Variants in CNTNAP2 observed in about 807,000 individuals in gnomAD.
CNTNAP2 encodes the protein contactin associated protein 2.
CNTNAP2 carries 98 observed loss-of-function variants against 155.2 expected under a neutral mutation model. The ratio of observed to expected loss-of-function variants is 0.63; its 90% CI spans 0.54 to 0.75. CNTNAP2 has a LOEUF of 0.75. Among genes scored for constraint, CNTNAP2 ranks in the 30% least tolerant of loss-of-function variants. The probability of loss-of-function intolerance (pLI) is 0.00; values close to 1 mark genes in which losing one functional copy is unlikely to be tolerated. For missense variants in CNTNAP2, 1,727 were observed against 1,688.1 expected (o/e 1.02, Z -0.40); for synonymous variants, 651 against 631.2 (o/e 1.03, Z -0.47).
At chr7:146,609,867 C>T (rs1799105880) in intron 1 of CNTNAP2, among the ~76,000 whole-genome samples, 1 of 152,112 alleles carries the variant, frequency 6.6e-6, no homozygotes, top group Admixed American at 6.5e-5. Flanking sequence ...TAACTCCAGA[C>T]CAGTGGTTCA....
intron 14 of CNTNAP2, among the ~76,000 whole-genome samples, chr7:147,919,561 C>T (rs919554979): frequency 6.7e-6 from 1 of 150,272 alleles, no homozygotes; most frequent in Non-Finnish European, 1.5e-5. Flanking sequence ...TGGGTTCATG[C>T]CATTCTCTTG....
intron 3 of CNTNAP2, among the ~76,000 whole-genome samples, chr7:146,857,201 G>A (rs960987618): frequency 4.0e-4 from 54 of 135,256 alleles, no homozygotes; most frequent in South Asian, 2.4e-3. Flanking sequence ...GTGGAAAAAG[G>A]AGAGAGAAGG....
At chr7:146,866,894 T>G (rs1032467852) in intron 3 of CNTNAP2, among the ~76,000 whole-genome samples, 1 of 152,118 alleles carries the variant, frequency 6.6e-6, no homozygotes, top group Non-Finnish European at 1.5e-5. Flanking sequence ...AAACATAACT[T>G]CGATAGGGTC....
At chr7:147,493,202 A>G (rs556878228) in intron 11 of CNTNAP2, among the ~76,000 whole-genome samples, 19 of 152,318 alleles carry the variant, frequency 1.2e-4, no homozygotes, top group South Asian at 1.2e-3. Context: ...CAGTATTTCA[A>G]TAAATGCTCT....
intron 13 of CNTNAP2, among the ~76,000 whole-genome samples, chr7:147,786,970 A>T (rs1238971325): frequency 6.6e-6 from 1 of 151,850 alleles, no homozygotes; most frequent in East Asian, 1.9e-4. Context: ...TCCTGTCTCG[A>T]AGAAGGAAAG....
chr7:146,526,286 T>G (rs971922847), intron 1 of CNTNAP2, among the ~76,000 whole-genome samples: 1 of 152,190 alleles, frequency 6.6e-6, no homozygotes, highest in South Asian at 2.1e-4. Context: ...CTTGCATTGC[T>G]ATAGGAAATT....
At chr7:148,295,795 TTAA>T (rs1271779044) in intron 21 of CNTNAP2, among the ~76,000 whole-genome samples, 1 of 151,902 alleles carries the variant, frequency 6.6e-6, no homozygotes, top group African/African-American at 2.4e-5. Flanking sequence ...CCGGCCTCAA[TTAA>T]TTTTTAAAGC....
chr7:148,052,032 G>A (rs544437508), intron 15 of CNTNAP2, among the ~76,000 whole-genome samples: 1 of 151,936 alleles, frequency 6.6e-6, no homozygotes, highest in African/African-American at 2.4e-5. Flanking sequence ...CCAGCTGCTC[G>A]GGAGGCTGAG....
chr7:148,243,928 C>T (rs1357171536), intron 20 of CNTNAP2, among the ~76,000 whole-genome samples: 1 of 152,204 alleles, frequency 6.6e-6, no homozygotes, highest in Non-Finnish European at 1.5e-5. Flanking sequence ...ACTGCGCCAG[C>T]ACAGTATTTT....
At chr7:148,041,038 C>T (rs1313838059) in intron 15 of CNTNAP2, among the ~76,000 whole-genome samples, 5 of 152,166 alleles carry the variant, frequency 3.3e-5, no homozygotes, top group Non-Finnish European at 7.3e-5. Context: ...AGACATAATT[C>T]CTAAATAAAC....
chr7:146,253,818 A>T (rs1799794605), intron 1 of CNTNAP2, among the ~76,000 whole-genome samples: 1 of 152,146 alleles, frequency 6.6e-6, no homozygotes, highest in African/African-American at 2.4e-5. Flanking sequence ...GCACATTGGG[A>T]GGCCAAGGTA....
intron 1 of CNTNAP2, among the ~76,000 whole-genome samples, chr7:146,492,299 A>G (rs1797153265): frequency 6.6e-6 from 1 of 152,114 alleles, no homozygotes; most frequent in Non-Finnish European, 1.5e-5. Flanking sequence ...TACGATTTCC[A>G]CAATGTAAAA....
intron 2 of CNTNAP2, among the ~76,000 whole-genome samples, chr7:146,828,917 C>T (rs569842756): frequency 1.6e-4 from 25 of 152,136 alleles, no homozygotes; most frequent in Non-Finnish European, 2.5e-4. Context: ...ACTGTGGCTT[C>T]TGTGTGGAGC....
chr7:147,864,960 T>C (rs914587685), intron 13 of CNTNAP2, among the ~76,000 whole-genome samples: 1 of 152,202 alleles, frequency 6.6e-6, no homozygotes, highest in Non-Finnish European at 1.5e-5. Context: ...TTCCCAACAC[T>C]ATGTTGAATA....
intron 1 of CNTNAP2, among the ~76,000 whole-genome samples, chr7:146,371,245 T>G (rs1019427460): frequency 1.3e-5 from 2 of 152,088 alleles, no homozygotes; most frequent in Non-Finnish European, 2.9e-5. Flanking sequence ...TAATGAGGCT[T>G]TTGCTACTTT....
chr7:146,146,480 T>G (rs1275365205), intron 1 of CNTNAP2, among the ~76,000 whole-genome samples: 1 of 152,186 alleles, frequency 6.6e-6, no homozygotes, highest in Admixed American at 6.6e-5. Flanking sequence ...ATTATTGATA[T>G]ACTTTATTCT....
chr7:148,018,768 C>T (rs915822513), intron 15 of CNTNAP2, among the ~76,000 whole-genome samples: 2 of 152,224 alleles, frequency 1.3e-5, no homozygotes, highest in Non-Finnish European at 2.9e-5. Context: ...TTGGCACAAA[C>T]AGAGTTTGAC....
intron 8 of CNTNAP2, among the ~76,000 whole-genome samples, chr7:147,291,502 CTTT>C (rs1010057112): frequency 6.6e-6 from 1 of 151,830 alleles, no homozygotes; most frequent in African/African-American, 2.4e-5. Flanking sequence ...ATTCCTTTTT[CTTT>C]TTTATTATTT....
intron 1 of CNTNAP2, among the ~76,000 whole-genome samples, chr7:146,506,480 G>A (rs143929094): frequency 2.0e-5 from 3 of 152,198 alleles, no homozygotes; most frequent in East Asian, 1.9e-4. Context: ...GCTACATCTC[G>A]TGTAGGTGCT....
Sources: allele counts gnomAD v4.1 joint callset (sites outside exome capture counted in the v4.1 genomes callset), GRCh38; gene constraint gnomAD v4.1.1; transcripts MANE v1.5; gene names NCBI Gene and HGNC (gene_info 2026-07-23, HGNC 2026-07-21).